DNAH2: variants seen among roughly 807,000 people sequenced by gnomAD.
DNAH2 encodes dynein axonemal heavy chain 2.
DNAH2 carries 323 observed loss-of-function variants against 523.5 expected under a neutral mutation model. That is an observed-to-expected ratio of 0.62 (90% CI 0.56 to 0.68). DNAH2 has a LOEUF of 0.68. Among genes scored for constraint, DNAH2 ranks in the 30% least tolerant of loss-of-function variants. The probability of loss-of-function intolerance (pLI) is 0.00; values close to 1 mark genes in which losing one functional copy is unlikely to be tolerated. For missense variants in DNAH2, 4,907 were observed against 5,701.5 expected (o/e 0.86, Z 4.49); for synonymous variants, 2,093 against 2,177.4 (o/e 0.96, Z 1.08).
chr17:7,797,450 G>T lies in DNAH2; in HGVS notation c.8000G>T (p.Gly2667Val). The T allele has an allele frequency of 1.2e-6, 2 of 1,614,160 alleles. No homozygotes were observed. Among genetic ancestry groups the T allele is most frequent in the Non-Finnish European group, 1.7e-6 (2 of 1,180,050 alleles). Reference sequence around the variant, plus strand: ...GCGGCAGACACAGAAGCCTTCATGGGCATCATAAGCGACAAGCTCGGCTCC... The same window carrying T: ...GCGGCAGACACAGAAGCCTTCATGGTCATCATAAGCGACAAGCTCGGCTCC... ...VDAADTEAFM[G>V]IISDKLGSFF... is the part of the protein sequence containing the mutation. The change falls in exon 52 of 86, where the codon GGC becomes GTC. Residue 2667 changes from glycine to valine, a missense_variant. Gly to Val is a moderately radical substitution (Grantham distance 109). Transcript: ENST00000572933.
At chr17:7,787,142 G>A (rs1274821169) in intron 42 of DNAH2, 109 bp downstream of exon 42, 31 of 1,397,700 alleles carry the variant, frequency 2.2e-5, no homozygotes, top group Non-Finnish European at 2.9e-5. Context: ...GGTTCTGTGG[G>A]AGAGAGCTGA....
At chr17:7,800,926 G>T (rs1396057583) in intron 56 of DNAH2, among the ~76,000 whole-genome samples, 1 of 150,166 alleles carries the variant, frequency 6.7e-6, no homozygotes, top group Non-Finnish European at 1.5e-5. Flanking sequence ...AGGCTGGAGT[G>T]CAGTGGTGCC....
Position 7,801,809 on chromosome 17 carries a change from C to T in DNAH2, c.8833-69C>T, listed in dbSNP as rs1393589194. The stretch of plus-strand genomic sequence containing the variant: ...CCCGGCCTCTCTCCTTCCCGCCTCT[C>T]ATCGCACTCCCAGCCTCTCTCCCAC... On this transcript the variant is annotated intron_variant, in intron 57 of 85. Transcript: ENST00000572933. 3.1e-6 allele frequency: 5 copies of T among 1,610,754 alleles called. No individual in the cohort carries two copies. In the Admixed American group the frequency reaches 8.3e-5, roughly 27 times the overall value.
At chr17:7,726,653 G>A (rs1247823802) in intron 3 of DNAH2, among the ~76,000 whole-genome samples, 1 of 151,810 alleles carries the variant, frequency 6.6e-6, no homozygotes, top group Non-Finnish European at 1.5e-5. Context: ...CCTTAATGTT[G>A]TACCAATTGA....
At position 7,775,324 on chromosome 17, in the gene DNAH2, T is replaced by C. The variant is rs1305180766; in HGVS notation, c.4803T>C (p.Phe1601=). 1 of 1,612,228 alleles carries C rather than the reference T, an allele frequency of 6.2e-7. No homozygotes were observed. The highest frequency in any genetic ancestry group is 2.2e-5 in the East Asian group (1 of 44,866). ...GEYIDFLHSV[F]LEGPVESWLG... is the part of the protein sequence containing the mutation. ...ACATTGACTTCCTCCACTCAGTATT[T>C]TTAGAAGGCCCTGTGGAGGTGAGTT... is the stretch of plus-strand genomic sequence containing the variant. The change falls in exon 30 of 86, where the codon TTT becomes TTC. Residue 1601 remains phenylalanine, a synonymous_variant. Coordinates refer to ENST00000572933, the MANE Select transcript of DNAH2 (RefSeq NM_020877.5).
intron 77 of DNAH2, among the ~76,000 whole-genome samples, chr17:7,824,929 G>A (rs980108211): frequency 6.6e-6 from 1 of 152,108 alleles, no homozygotes; most frequent in African/African-American, 2.4e-5. Context: ...CATGTGCCAC[G>A]CACTGTTCTA....
intron 58 of DNAH2, among the ~76,000 whole-genome samples, chr17:7,802,392 C>A (rs1597713336): frequency 6.6e-6 from 1 of 152,186 alleles, no homozygotes; most frequent in African/African-American, 2.4e-5. Context: ...CTCTCTCACT[C>A]AACACAGTAC....
At chr17:7,756,169 C>T (rs550926751) in intron 12 of DNAH2, among the ~76,000 whole-genome samples, 6 of 151,494 alleles carry the variant, frequency 4.0e-5, no homozygotes, top group Non-Finnish European at 7.4e-5. Flanking sequence ...GAACCCAGGA[C>T]GTAGAGGTGG....
At position 7,740,954 on chromosome 17, in the gene DNAH2, G is replaced by C. The variant is rs751173945; in HGVS notation, c.1651G>C (p.Val551Leu). Residue 551 changes from valine to leucine, a missense_variant, in exon 11 of 86, where the codon GTG becomes CTG. Around this residue, in one of 3 missense-constraint regions of DNAH2, gnomAD observed 2,806 missense variants for 3,190.8 expected, o/e 0.88. Coordinates refer to ENST00000572933, the MANE Select transcript of DNAH2 (RefSeq NM_020877.5). ...VAQYSGKARWVHILRRRIDRV... is the reference protein window; with the variant it reads ...VAQYSGKARWLHILRRRIDRV... Reference sequence around the variant, plus strand: ...CCAGTATTCCGGAAAGGCGCGCTGGGTGCACATCCTCCGGCGTCGCATCGA... The same window carrying C: ...CCAGTATTCCGGAAAGGCGCGCTGGCTGCACATCCTCCGGCGTCGCATCGA... 34 of 1,609,224 alleles carry C rather than the reference G, an allele frequency of 2.1e-5. No homozygotes were observed. The highest frequency in any genetic ancestry group is 2.7e-5 in the Non-Finnish European group (32 of 1,176,148).
In DNAH2 at chr17:7,780,201, T is replaced by C; in HGVS notation, c.5767T>C (p.Phe1923Leu). ...TELPENLKSM[F>L]RPIAMVVPDS... ...GCTTCCCGAAAATCTTAAATCCATGTTCCGCCCAATTGCCATGGTGGTGCC... is the reference window on the plus strand; with the variant it reads ...GCTTCCCGAAAATCTTAAATCCATGCTCCGCCCAATTGCCATGGTGGTGCC... The change falls in exon 37 of 86, where the codon TTC becomes CTC. Residue 1923 changes from phenylalanine (F) to leucine (L), a missense_variant. Coordinates refer to ENST00000572933, the MANE Select transcript of DNAH2 (RefSeq NM_020877.5). The surrounding 1 kb of genome is among the most constrained non-coding windows in gnomAD (Gnocchi z 4.4). The C allele has an allele frequency of 1.2e-6, 2 of 1,614,192 alleles. No homozygotes were observed. The highest frequency in any genetic ancestry group is 1.1e-5 in the South Asian group (1 of 91,076).
intron 44 of DNAH2, among the ~76,000 whole-genome samples, chr17:7,791,315 C>T (rs2076890163): frequency 6.6e-6 from 1 of 152,142 alleles, no homozygotes; most frequent in Non-Finnish European, 1.5e-5. Flanking sequence ...AGGTGATCCA[C>T]GCGGCTCTGC....
chr17:7,729,872 G>A (rs2074935062), intron 4 of DNAH2, among the ~76,000 whole-genome samples: 1 of 152,044 alleles, frequency 6.6e-6, no homozygotes, highest in South Asian at 2.1e-4. Flanking sequence ...AACTTCCAGG[G>A]GCAAAAATAA....
At chr17:7,785,187 C>T (rs931054276) in intron 39 of DNAH2, among the ~76,000 whole-genome samples, 3 of 151,738 alleles carry the variant, frequency 2.0e-5, no homozygotes, top group African/African-American at 7.3e-5. Context: ...CTGCAACCTC[C>T]GCCTCCCAGG....
intron 24 of DNAH2, among the ~76,000 whole-genome samples, chr17:7,769,255 G>A (rs1417558982): frequency 6.6e-6 from 1 of 151,962 alleles, no homozygotes; most frequent in African/African-American, 2.4e-5. Flanking sequence ...TTCACCTCGC[G>A]GGTTCAAGCA....
At position 7,758,903 on chromosome 17, in the gene DNAH2, G is replaced by A. The variant is rs759203217; in HGVS notation, c.2227G>A (p.Glu743Lys). The A allele has an allele frequency of 1.9e-6, 3 of 1,614,150 alleles. No homozygotes were observed. The highest frequency in any genetic ancestry group is 2.5e-6 in the Non-Finnish European group (3 of 1,180,046). Residue 743 changes from glutamate to lysine, a missense_variant, in exon 15 of 86, where the codon GAG becomes AAG. Physicochemically the swap from Glu to Lys is moderately conservative, Grantham distance 56. Transcript: ENST00000572933. ...ACTCTAGGTGCAGATGATTGTGAAT[G>A]AGTTCAAGGCATCCACTCTGACCAT... Reference protein sequence around the residue: ...HASKVQMIVNEFKASTLTIGW... With the variant: ...HASKVQMIVNKFKASTLTIGW...
In DNAH2 at chr17:7,735,469, G is replaced by T. The variant is rs189452188; in HGVS notation, c.978+761G>T. ...TTCATTTCTTTTTTTTTCCTTTTGA[G>T]ACAGGGTGCTGGAGGCTGAAGTGCA... On this transcript the variant is annotated intron_variant, in intron 7 of 85. Transcript: ENST00000572933. Among the ~76,000 whole-genome samples, 248 of 151,588 alleles carry T rather than the reference G, an allele frequency of 1.6e-3. 2 individuals are homozygous for T. Among genetic ancestry groups the T allele is most frequent in the African/African-American group, 5.0e-3 (207 of 41,290 alleles).
intron 18 of DNAH2, among the ~76,000 whole-genome samples, chr17:7,762,853 G>A (rs1452336556): frequency 6.7e-6 from 1 of 150,280 alleles, no homozygotes; most frequent in African/African-American, 2.5e-5. Context: ...CTCTGTTACT[G>A]TCACTGTATT....
chr17:7,791,576 G>A (rs2076898514), intron 44 of DNAH2, among the ~76,000 whole-genome samples: 1 of 152,012 alleles, frequency 6.6e-6, no homozygotes, highest in South Asian at 2.1e-4. Flanking sequence ...CCAGTGTTTT[G>A]CAATTACAAA....
chr17:7,732,945 C>T, intron 4 of DNAH2, 142 bp from the exon 5 acceptor site: 2 of 733,496 alleles, frequency 2.7e-6, no homozygotes, highest in Non-Finnish European at 4.5e-6. Flanking sequence ...GTGAAAAGAA[C>T]AGGAAGCACT....
Sources: allele counts gnomAD v4.1 joint callset (sites outside exome capture counted in the v4.1 genomes callset), GRCh38; gene constraint gnomAD v4.1.1; regional missense constraint gnomAD v4.1.1; non-coding constraint Gnocchi (gnomAD v3.1); transcripts MANE v1.5; gene names NCBI Gene and HGNC (gene_info 2026-07-23, HGNC 2026-07-21).